The following SAMD3 variants were observed in gnomAD, a reference collection of about 807,000 sequenced individuals.
SAMD3 encodes sterile alpha motif domain-containing protein 3.
SAMD3 carries 63 observed loss-of-function variants against 58.5 expected under a neutral mutation model. The observed-to-expected ratio is 1.08, with a 90% CI of 0.88 to 1.33. The LOEUF (loss-of-function observed/expected upper bound fraction) is 1.33. Ranked by LOEUF, SAMD3 falls within the 40% of genes most tolerant of loss-of-function variation. The pLI is 0.00. For missense variants in SAMD3, 604 were observed against 608.4 expected (o/e 0.99, Z 0.08); for synonymous variants, 220 against 210.3 (o/e 1.05, Z -0.40).
intron 1 of SAMD3, among the ~76,000 whole-genome samples, chr6:130,347,996 G>T (rs56159347): frequency 0.24 from 35,756 of 152,022 alleles, 5,628 homozygotes; most frequent in African/African-American, 0.45. Context: ...ATGTGAAGGA[G>T]AAATAAAATC....
At chr6:130,172,707 A>G (rs1478755295) in intron 8 of SAMD3, among the ~76,000 whole-genome samples, 1 of 152,082 alleles carries the variant, frequency 6.6e-6, no homozygotes, top group Non-Finnish European at 1.5e-5. Flanking sequence ...CTTGAGGAGT[A>G]TCTTAGTGGT....
intron 1 of SAMD3, among the ~76,000 whole-genome samples, chr6:130,323,911 G>A (rs1389428662): frequency 6.6e-6 from 1 of 151,728 alleles, no homozygotes; most frequent in Admixed American, 6.6e-5. Flanking sequence ...TTAAGTGCTG[G>A]CTATGCAGCA....
chr6:130,279,959 T>A (rs1348309283), intron 2 of SAMD3, among the ~76,000 whole-genome samples: 1 of 152,212 alleles, frequency 6.6e-6, no homozygotes, highest in Non-Finnish European at 1.5e-5. Context: ...TTCAAATTTT[T>A]ATTTCTTTCT....
rs144520686 is a variant in SAMD3 at position 130,296,186 on chromosome 6, G to C, written c.-188+16792C>G. On this transcript the variant is annotated intron_variant, in intron 2 of 13. Transcript: ENST00000368134. ...GGTGATAAGAGCAGATGGCTGACCA[G>C]AGACACTGGATGTCAGTTCTCCTCA... 2.6e-4 allele frequency among the ~76,000 whole-genome samples: 40 copies of C among 152,354 alleles called. No individual in the cohort carries two copies. The East Asian group carries it at 7.3e-3, about 28-fold the overall frequency.
At chr6:130,342,159 G>T (rs1351836154) in intron 1 of SAMD3, among the ~76,000 whole-genome samples, 1 of 151,996 alleles carries the variant, frequency 6.6e-6, no homozygotes, top group Non-Finnish European at 1.5e-5. Flanking sequence ...TGGAATAAGG[G>T]GCCATAGCTT....
intron 1 of SAMD3, among the ~76,000 whole-genome samples, chr6:130,326,599 T>C (rs1776769518): frequency 6.6e-6 from 1 of 152,356 alleles, no homozygotes; most frequent in Non-Finnish European, 1.5e-5. Context: ...TTCTTAAACA[T>C]TGTAGTAATT....
chr6:130,167,261 T>C (rs1790813646), intron 8 of SAMD3, among the ~76,000 whole-genome samples: 4 of 152,108 alleles, frequency 2.6e-5, no homozygotes, highest in Admixed American at 2.6e-4. Context: ...CTGGAACATT[T>C]ACAAACAAAC....
intron 2 of SAMD3, among the ~76,000 whole-genome samples, chr6:130,260,956 C>T (rs183678272): frequency 7.2e-5 from 11 of 152,222 alleles, no homozygotes; most frequent in African/African-American, 2.6e-4. Flanking sequence ...TTTATCGGCA[C>T]TTTGGTTTGG....
At chr6:130,246,971 G>A (rs73603999) in intron 2 of SAMD3, among the ~76,000 whole-genome samples, 2,950 of 152,104 alleles carry the variant, frequency 0.019, 93 homozygotes, top group African/African-American at 0.067. Flanking sequence ...TACTAAAAAG[G>A]CCTAGAAACA....
chr6:130,297,033 C>A (rs139713377), intron 2 of SAMD3, among the ~76,000 whole-genome samples: 5 of 152,336 alleles, frequency 3.3e-5, no homozygotes, highest in Middle Eastern at 6.8e-3. Context: ...CACCTGACGA[C>A]AAGCCAGCTT....
chr6:130,148,021 C>T (rs559194478), intron 9 of SAMD3, among the ~76,000 whole-genome samples: 1 of 152,278 alleles, frequency 6.6e-6, no homozygotes, highest in East Asian at 1.9e-4. Flanking sequence ...CCAGGTTTTT[C>T]CACGTAAAAT....
At chr6:130,341,660 T>G (rs965637798) in intron 1 of SAMD3, among the ~76,000 whole-genome samples, 1 of 152,178 alleles carries the variant, frequency 6.6e-6, no homozygotes, top group African/African-American at 2.4e-5. Flanking sequence ...AGGATGTGGA[T>G]GACATCCTGG....
rs554070209 is a variant in SAMD3 at position 130,277,628 on chromosome 6, C to G, written c.-188+35350G>C. 8.1e-4 allele frequency among the ~76,000 whole-genome samples: 123 copies of G among 152,284 alleles called. 2 individuals carry two copies. The highest frequency in any genetic ancestry group is 2.7e-3 in the African/African-American group (111 of 41,560). On this transcript the variant is annotated intron_variant, in intron 2 of 13. Coordinates refer to the SAMD3 transcript ENST00000368134. ...CTTAGGAATAACTTAGGTGTCACTT[C>G]TTTCAAGGATCTTTTTATGAATGCC... is the stretch of plus-strand genomic sequence containing the variant.
intron 8 of SAMD3, among the ~76,000 whole-genome samples, chr6:130,165,065 A>G (rs1244024042): frequency 6.6e-6 from 1 of 152,208 alleles, no homozygotes; most frequent in Non-Finnish European, 1.5e-5. Flanking sequence ...CACTTTCAAT[A>G]ATAAATAGAA....
rs1327842746 is a variant in SAMD3, at chr6:130,245,065, T to G, written c.-187-22252A>C. Among the ~76,000 whole-genome samples, 3 of 152,322 alleles carry G rather than the reference T, an allele frequency of 2.0e-5. No homozygotes were observed. In the East Asian group the frequency reaches 5.8e-4, roughly 29 times the overall value. On this transcript the variant is annotated intron_variant, in intron 2 of 13. Transcript: ENST00000368134. ...GTGAACTCTGTAAAAGTCAACAAAT[T>G]CATTTGAATTAGGAGTGTTCTGGAT...
chr6:130,361,371 T>C (rs1171891396), intron 1 of SAMD3, among the ~76,000 whole-genome samples: 1 of 152,162 alleles, frequency 6.6e-6, no homozygotes, highest in Non-Finnish European at 1.5e-5. Flanking sequence ...TCCCGCAACA[T>C]GAAAGGGTAT....
chr6:130,191,690 G>A (rs1793563518), intron 5 of SAMD3, among the ~76,000 whole-genome samples: 1 of 149,180 alleles, frequency 6.7e-6, no homozygotes, highest in Non-Finnish European at 1.5e-5. Flanking sequence ...CAATTTCATT[G>A]ACTTAAATTT....
downstream of SAMD3, chr6:130,144,274 A>C (rs909072765): frequency 6.2e-6 from 3 of 480,932 alleles, no homozygotes; most frequent in African/African-American, 2.0e-5. Context: ...AATATAACTT[A>C]ACTGCGGAAT....
At chr6:130,293,106 A>G (rs879652254) in intron 2 of SAMD3, among the ~76,000 whole-genome samples, 11 of 152,238 alleles carry the variant, frequency 7.2e-5, no homozygotes, top group African/African-American at 2.7e-4. Context: ...ATGTTTCAAG[A>G]GTTCACAATT....
Sources: allele counts gnomAD v4.1 joint callset (sites outside exome capture counted in the v4.1 genomes callset), GRCh38; gene constraint gnomAD v4.1.1; transcripts MANE v1.5; gene names NCBI Gene and HGNC (gene_info 2026-07-23, HGNC 2026-07-21).